The following LLGL2 variants were observed in gnomAD, a reference collection of about 807,000 sequenced individuals.
LLGL2 encodes the protein LLGL2, scribble cell polarity complex component.
A neutral mutation model predicts 123.2 loss-of-function variants in LLGL2; 81 were observed. That is an observed-to-expected ratio of 0.66 (90% CI 0.55 to 0.79). LLGL2 has a LOEUF of 0.79. Ranked by LOEUF, LLGL2 falls within the 30% of genes least tolerant of loss-of-function variation. The pLI is 0.00. For missense variants in LLGL2, 1,273 were observed against 1,414.6 expected (o/e 0.90, Z 1.61); for synonymous variants, 577 against 594.1 (o/e 0.97, Z 0.42).
At chr17:75,533,201 G>A (rs1353501130) in intron 1 of LLGL2, among the ~76,000 whole-genome samples, 13 of 149,622 alleles carry the variant, frequency 8.7e-5, no homozygotes, top group African/African-American at 2.2e-4. Context: ...AGGTTTCACC[G>A]TGTTAGCCAG....
Position 75,569,811 on chromosome 17 carries a change from A to C in LLGL2, c.1582-152A>C. ...GAGCAAGACTTGTCTCAAAAAAAAA[A>C]AAAAAAAATGCAGGAGAGCTGGGGT... is the stretch of plus-strand genomic sequence containing the variant. On this transcript the variant is annotated intron_variant, in intron 14 of 25. Coordinates refer to ENST00000392550, the MANE Select transcript of LLGL2 (RefSeq NM_001031803.2). 8 of 822,032 alleles carry C rather than the reference A, an allele frequency of 9.7e-6. 1 individual carries two copies. The South Asian group carries it at 1.6e-4, about 16-fold the overall frequency. 50.9% of individuals were successfully genotyped at this position (822,032 alleles called of 1,614,324 possible). A position where few individuals can be genotyped will look rare whatever the true frequency, so the allele number is the denominator to read the frequency against.
At position 75,571,682 on chromosome 17, in the gene LLGL2, C is replaced by T. The variant is rs1351282271; in HGVS notation, c.2192C>T (p.Pro731Leu). The T allele has an allele frequency of 5.6e-6, 9 of 1,608,700 alleles. No homozygotes were observed. The Admixed American group carries it at 1.0e-4, about 18-fold the overall frequency. The change falls in exon 18 of 26, where the codon CCC (proline) becomes CTC (leucine). Residue 731 changes from proline (P) to leucine (L), a missense_variant. Coordinates refer to ENST00000392550, the MANE Select transcript of LLGL2 (RefSeq NM_001031803.2). Reference sequence around the variant, plus strand: ...TTCTCGGCAGGCTCCCGGCACTGCCCCTCGCTGTGGGCTGGCACCAATGGG... The same window carrying T: ...TTCTCGGCAGGCTCCCGGCACTGCCTCTCGCTGTGGGCTGGCACCAATGGG... The part of the protein sequence containing the change: ...TYLKDSSRHC[P>L]SLWAGTNGGT...
intron 21 of LLGL2, 149 bp downstream of exon 21, chr17:75,573,780 C>G: frequency 3.3e-6 from 4 of 1,206,446 alleles, no homozygotes; most frequent in Non-Finnish European, 4.7e-6. Context: ...TGCCTCTTTG[C>G]GTGCCCCTTG....
chr17:75,532,077 C>CACACACACA (rs58220046), intron 1 of LLGL2, among the ~76,000 whole-genome samples: 13 of 83,992 alleles, frequency 1.5e-4, no homozygotes, highest in East Asian at 2.8e-4. Flanking sequence ...CACACACACA[C>CACACACACA]TTTTTTTTTT....
intron 24 of LLGL2, 48 bp downstream of exon 24, chr17:75,574,543 A>G: frequency 1.3e-6 from 2 of 1,588,050 alleles, no homozygotes; most frequent in Middle Eastern, 1.8e-4. Flanking sequence ...GCTCTGCCAG[A>G]GGGCTCAGGG....
rs74512764 is a variant in LLGL2 at position 75,549,343 on chromosome 17, C to T, written c.75+5842C>T. On this transcript the variant is annotated intron_variant, in intron 2 of 25. Coordinates refer to ENST00000392550, the MANE Select transcript of LLGL2 (RefSeq NM_001031803.2). This position sits in a 1 kb window ranked among gnomAD's most constrained non-coding sequence, Gnocchi z 4.0. ...CTGCTCACAGCCAGCTCGCTCCCCTCGGCCAAACCCAGGCACACCCCAAGC... is the reference window on the plus strand; with the variant it reads ...CTGCTCACAGCCAGCTCGCTCCCCTTGGCCAAACCCAGGCACACCCCAAGC... Among the ~76,000 whole-genome samples, 2,981 of 152,158 alleles carry T rather than the reference C, an allele frequency of 0.02. 34 individuals carry two copies. Among genetic ancestry groups the T allele is most frequent in the Non-Finnish European group, 0.031 (2,139 of 67,976 alleles).
At position 75,574,975 on chromosome 17, in the gene LLGL2, C is replaced by T. The variant is rs1168224731; in HGVS notation, c.*97C>T. Reference sequence around the variant, plus strand: ...CCGGAGAGGCCGGTGCACAGGGCCCCGCCAGGGGCTGGGGGCATCCCGGCT... The same window carrying T: ...CCGGAGAGGCCGGTGCACAGGGCCCTGCCAGGGGCTGGGGGCATCCCGGCT... On this transcript the variant is annotated 3_prime_UTR_variant, in exon 26 of 26. Transcript: ENST00000392550. 25 of 1,567,200 alleles carry T rather than the reference C, an allele frequency of 1.6e-5. No individual in the cohort carries two copies. The highest frequency in any genetic ancestry group is 1.1e-4 in the East Asian group (5 of 44,654).
chr17:75,553,783 A>C (rs949999005), intron 2 of LLGL2, among the ~76,000 whole-genome samples: 2 of 152,156 alleles, frequency 1.3e-5, no homozygotes, highest in Non-Finnish European at 2.9e-5. Context: ...TTATCACTCT[A>C]AATTTGTAGT....
chr17:75,571,366 A>C, intron 17 of LLGL2: 1 of 577,984 alleles, frequency 1.7e-6, no homozygotes, highest in East Asian at 2.8e-5. Flanking sequence ...TCAGGGCCTC[A>C]GCTTGCTTCT....
Position 75,573,194 on chromosome 17 carries a change from C to T in LLGL2, c.2641C>T (p.Leu881Phe). The T allele has an allele frequency of 6.2e-7, 1 of 1,612,932 alleles. No individual in the cohort carries two copies. Among genetic ancestry groups the T allele is most frequent in the African/African-American group, 1.3e-5 (1 of 75,066 alleles). ...GDIQVVSLPLLKPQVRYSCIR... is the reference protein window; with the variant it reads ...GDIQVVSLPLFKPQVRYSCIR... ...CATCCAGGTGGTCTCGCTGCCCCTG[C>T]TCAAGCCCCAGGTGCGCTACAGCTG... The change falls in exon 20 of 26, where the codon CTC becomes TTC. Residue 881 changes from leucine to phenylalanine, a missense_variant. By Grantham distance (22) the Leu-to-Phe change is conservative. Coordinates refer to ENST00000392550, the MANE Select transcript of LLGL2 (RefSeq NM_001031803.2).
At chr17:75,554,361 C>G (rs1013053568) in intron 2 of LLGL2, among the ~76,000 whole-genome samples, 9 of 151,770 alleles carry the variant, frequency 5.9e-5, no homozygotes, top group Admixed American at 6.6e-5. Flanking sequence ...CCTGTAATCC[C>G]AGCGCTTTGG....
rs2055108835 is a variant in LLGL2 at position 75,559,652 on chromosome 17, A to G, written c.530+242A>G. Among the ~76,000 whole-genome samples, 1 of 152,140 alleles carries G rather than the reference A, an allele frequency of 6.6e-6. No individual in the cohort carries two copies. Among genetic ancestry groups the G allele is most frequent in the Non-Finnish European group, 1.5e-5 (1 of 68,028 alleles). ...GTCCCTCGTCTAAAGGCCCCAAATG[A>G]CTGTGTAATGTCACCGACTGTCAGT... On this transcript the variant is annotated intron_variant, in intron 6 of 25. Transcript: ENST00000392550. This position sits in a 1 kb window ranked among gnomAD's most constrained non-coding sequence, Gnocchi z 4.6.
At position 75,570,412 on chromosome 17, in the gene LLGL2, A is replaced by T. The variant is rs1300884530; in HGVS notation, c.1939A>T (p.Lys647Ter). The change falls in exon 16 of 26, where the codon AAG (lysine) becomes TAG (stop). Residue 647 changes from lysine to a stop codon, truncating the protein, a stop_gained. Transcript: ENST00000392550. LOFTEE classifies it high-confidence loss of function. ...EGPLSRVKSL[K>*]KSLRQSFRRM... ...CCCACTCTCCCGCGTCAAGTCCCTC[A>T]AGAAGTCCTTGCGTCAGTCATTCCG... 6.2e-7 allele frequency: 1 copy of T among 1,609,912 alleles called. No individual in the cohort carries two copies. Among genetic ancestry groups the T allele is most frequent in the Non-Finnish European group, 8.5e-7 (1 of 1,178,752 alleles).
chr17:75,574,961 G>T lies in LLGL2; in HGVS notation c.*83G>T. 6.3e-7 allele frequency: 1 copy of T among 1,595,454 alleles called. No homozygotes were observed. Among genetic ancestry groups the T allele is most frequent in the Non-Finnish European group, 8.6e-7 (1 of 1,163,848 alleles). ...GGTCCCTGCCCCAACCGGAGAGGCC[G>T]GTGCACAGGGCCCCGCCAGGGGCTG... On this transcript the variant is annotated 3_prime_UTR_variant, in exon 26 of 26. Coordinates refer to ENST00000392550, the MANE Select transcript of LLGL2 (RefSeq NM_001031803.2).
At chr17:75,568,294 A>G (rs1690093353) in intron 10 of LLGL2, 182 bp from the exon 11 acceptor site, 1 of 1,432,266 alleles carries the variant, frequency 7.0e-7, no homozygotes, top group South Asian at 1.5e-5. Flanking sequence ...CCTTGCATGC[A>G]GAGCCAGGGC....
Position 75,569,315 on chromosome 17 carries a change from C to T in LLGL2, c.1571C>T (p.Thr524Met), listed in dbSNP as rs895281085. The change falls in exon 14 of 26, where the codon ACG (threonine) becomes ATG (methionine). Residue 524 changes from threonine (T) to methionine (M), a missense_variant. Physicochemically the swap from Thr to Met is moderately conservative, Grantham distance 81. Transcript: ENST00000392550. ...KYSGYLAVAGTAGQVLVLELN... is the reference protein window; with the variant it reads ...KYSGYLAVAGMAGQVLVLELN... ...AGCGGCTACCTGGCTGTGGCAGGCA[C>T]GGCAGGGCAGGTAGCAGGCTGGGCT... 7 of 1,612,586 alleles carry T rather than the reference C, an allele frequency of 4.3e-6. No individual in the cohort carries two copies. Among genetic ancestry groups the T allele is most frequent in the Admixed American group, 1.7e-5 (1 of 60,014 alleles).
At position 75,569,319 on chromosome 17, in the gene LLGL2, A is replaced by G. The variant is rs1277462446; in HGVS notation, c.1575A>G (p.Ala525=). ...GCTACCTGGCTGTGGCAGGCACGGC[A>G]GGGCAGGTAGCAGGCTGGGCTGGGG... The part of the protein sequence containing the change: ...YSGYLAVAGT[A]GQVLVLELND... Residue 525 remains alanine (A), a synonymous_variant, in exon 14 of 26, where the codon GCA becomes GCG. Coordinates refer to ENST00000392550, the MANE Select transcript of LLGL2 (RefSeq NM_001031803.2). The G allele has an allele frequency of 6.2e-7, 1 of 1,612,276 alleles. No homozygotes were observed. The highest frequency in any genetic ancestry group is 8.5e-7 in the Non-Finnish European group (1 of 1,179,360).
rs2055634399 is a variant in LLGL2, at chr17:75,570,203, A to ACC, written c.1822_1823insCC (p.Ser608ThrfsTer117). ...GTGGCGGCTCGTGGCCTTCGGCACC[A>ACC]GCCATGGCTTTGGCCTCTTTGACCA... On this transcript the variant is annotated frameshift_variant, in exon 15 of 26. Transcript: ENST00000392550. LOFTEE classifies it high-confidence loss of function. 1 of 1,595,354 alleles carries ACC rather than the reference A, an allele frequency of 6.3e-7. No homozygotes were observed. Among genetic ancestry groups the ACC allele is most frequent in the Admixed American group, 1.8e-5 (1 of 55,840 alleles).
chr17:75,529,454 C>T (rs1401071559), intron 1 of LLGL2, among the ~76,000 whole-genome samples: 1 of 151,998 alleles, frequency 6.6e-6, no homozygotes, highest in African/African-American at 2.4e-5. Context: ...ATCTGCCTGC[C>T]TCAGCCTCTC....
Sources: allele counts gnomAD v4.1 joint callset (sites outside exome capture counted in the v4.1 genomes callset), GRCh38; gene constraint gnomAD v4.1.1; non-coding constraint Gnocchi (gnomAD v3.1); transcripts MANE v1.5; gene names NCBI Gene and HGNC (gene_info 2026-07-23, HGNC 2026-07-21).